Variants in PRKG1 observed in about 807,000 individuals in gnomAD.
PRKG1 encodes the protein protein kinase cGMP-dependent 1.
PRKG1 carries 35 observed loss-of-function variants against 88.1 expected under a neutral mutation model. That is an observed-to-expected ratio of 0.40 (90% CI 0.30 to 0.53). The LOEUF is 0.53. Ranked by LOEUF, PRKG1 falls within the 20% of genes least tolerant of loss-of-function variation. PRKG1 has a pLI of 0.59. For missense variants in PRKG1, 540 were observed against 839.8 expected (o/e 0.64, Z 4.41); for synonymous variants, 303 against 292.5 (o/e 1.04, Z -0.37).
intron 3 of PRKG1, among the ~76,000 whole-genome samples, chr10:51,540,729 T>A (rs551527073): frequency 6.6e-6 from 1 of 152,220 alleles, no homozygotes; most frequent in African/African-American, 2.4e-5. Context: ...TTTTTGTTTG[T>A]TTGTTTTTGA....
At chr10:52,051,938 A>G (rs1845996549) in intron 5 of PRKG1, among the ~76,000 whole-genome samples, 1 of 151,398 alleles carries the variant, frequency 6.6e-6, no homozygotes, top group Non-Finnish European at 1.5e-5. Flanking sequence ...ATTGAGCTTC[A>G]TTCACGTGGA....
intron 3 of PRKG1, among the ~76,000 whole-genome samples, chr10:51,701,829 A>G (rs1411891938): frequency 6.6e-6 from 1 of 152,208 alleles, no homozygotes; most frequent in Non-Finnish European, 1.5e-5. Flanking sequence ...TACTGCTGAT[A>G]CTGTCTAAAC....
intron 9 of PRKG1, among the ~76,000 whole-genome samples, chr10:52,224,808 CATATATATATATATATATATAT>C (rs71032630): frequency 9.4e-6 from 1 of 106,370 alleles, no homozygotes; most frequent in East Asian, 2.5e-4. Flanking sequence ...AGTATTCCAT[CATATATATATATATATATATAT>C]ATATATATAC....
intron 5 of PRKG1, among the ~76,000 whole-genome samples, chr10:51,929,673 A>C (rs1172149278): frequency 6.6e-6 from 1 of 152,106 alleles, no homozygotes; most frequent in African/African-American, 2.4e-5. Context: ...TAAATGTAAA[A>C]CACAGAAAGT....
chr10:51,683,779 T>G (rs1840911854), intron 3 of PRKG1, among the ~76,000 whole-genome samples: 1 of 152,186 alleles, frequency 6.6e-6, no homozygotes, highest in Admixed American at 6.5e-5. Context: ...CCCTCCAGCC[T>G]GTGGTTGCAC....
At chr10:51,866,134 T>C (rs771020940) in intron 4 of PRKG1, among the ~76,000 whole-genome samples, 2 of 151,960 alleles carry the variant, frequency 1.3e-5, no homozygotes, top group Admixed American at 6.6e-5. Flanking sequence ...GAAAACATCA[T>C]CGCTTATTTT....
chr10:52,009,823 T>C (rs1268363178), intron 5 of PRKG1, among the ~76,000 whole-genome samples: 1 of 151,842 alleles, frequency 6.6e-6, no homozygotes, highest in Non-Finnish European at 1.5e-5. Context: ...CATAAACAAA[T>C]AAATAGAACA....
chr10:52,011,331 T>A (rs946442743), intron 5 of PRKG1, among the ~76,000 whole-genome samples: 2 of 152,248 alleles, frequency 1.3e-5, no homozygotes, highest in Admixed American at 1.3e-4. Context: ...CTACATGTGC[T>A]GTTATGGCCT....
intron 2 of PRKG1, among the ~76,000 whole-genome samples, chr10:51,354,078 G>T (rs1445472688): frequency 6.6e-6 from 1 of 152,014 alleles, no homozygotes; most frequent in Non-Finnish European, 1.5e-5. Flanking sequence ...TCACTTATTT[G>T]TTGCTTCTAA....
chr10:51,817,961 T>C (rs1022227110), intron 4 of PRKG1, among the ~76,000 whole-genome samples: 2 of 152,186 alleles, frequency 1.3e-5, no homozygotes, highest in Admixed American at 6.5e-5. Context: ...GTAATCACTT[T>C]TTTTCATTTA....
At chr10:51,490,851 C>T (rs59336418) in intron 3 of PRKG1, among the ~76,000 whole-genome samples, 2,610 of 152,022 alleles carry the variant, frequency 0.017, 53 homozygotes, top group African/African-American at 0.044. Context: ...GATTTAGAAA[C>T]CTCATTTCTG....
chr10:51,872,919 TTAAAA>T (rs1841196665), intron 4 of PRKG1, among the ~76,000 whole-genome samples: 1 of 152,068 alleles, frequency 6.6e-6, no homozygotes, highest in Admixed American at 6.5e-5. Context: ...TTTTAGGAAA[TTAAAA>T]TAAATTGAAA....
intron 2 of PRKG1, among the ~76,000 whole-genome samples, chr10:51,381,256 T>TAAAAAAAAAAA (rs71029366): frequency 2.5e-4 from 8 of 32,058 alleles, no homozygotes; most frequent in Non-Finnish European, 3.6e-4. Context: ...GCCTCCATCT[T>TAAAAAAAAAAA]AAAAAAAAAA....
At chr10:51,273,138 T>C (rs1840024355) in intron 2 of PRKG1, among the ~76,000 whole-genome samples, 1 of 152,158 alleles carries the variant, frequency 6.6e-6, no homozygotes, top group African/African-American at 2.4e-5. Context: ...GAGTTCACAT[T>C]TGATGTTTGT....
At chr10:52,151,343 AT>A (rs1395715484) in intron 8 of PRKG1, among the ~76,000 whole-genome samples, 1 of 152,176 alleles carries the variant, frequency 6.6e-6, no homozygotes, top group Non-Finnish European at 1.5e-5. Flanking sequence ...GAATACCAAA[AT>A]TTGGAGAAAA....
intron 1 of PRKG1, among the ~76,000 whole-genome samples, chr10:51,023,151 T>C (rs1646805104): frequency 6.6e-6 from 1 of 152,236 alleles, no homozygotes; most frequent in African/African-American, 2.4e-5. Context: ...TGTGTTACCC[T>C]GAGAGTCAAG....
intron 5 of PRKG1, among the ~76,000 whole-genome samples, chr10:51,983,710 A>G (rs777527682): frequency 6.6e-6 from 1 of 152,146 alleles, no homozygotes; most frequent in Non-Finnish European, 1.5e-5. Context: ...TACTGCACCT[A>G]CCACTTCTCT....
intron 9 of PRKG1, among the ~76,000 whole-genome samples, chr10:52,243,707 TG>T (rs1406959121): frequency 6.6e-6 from 1 of 151,246 alleles, no homozygotes. Context: ...TAAAAGTATT[TG>T]TTATCTTATC....
intron 7 of PRKG1, among the ~76,000 whole-genome samples, chr10:52,089,653 C>T (rs1279014282): frequency 6.6e-6 from 1 of 151,956 alleles, no homozygotes; most frequent in African/African-American, 2.4e-5. Flanking sequence ...AGTATGAATG[C>T]AGATAAGTAG....
Sources: gnomAD v4.1 joint callset for allele counts (sites outside exome capture counted in the v4.1 genomes callset) on GRCh38, gnomAD v4.1.1 for gene constraint, MANE v1.5 for transcripts, NCBI Gene and HGNC (gene_info 2026-07-23, HGNC 2026-07-21) for gene names.